LRRTM4: variants seen among roughly 807,000 people sequenced by gnomAD.
The protein encoded by LRRTM4 is leucine rich repeat transmembrane neuronal 4.
Under a neutral mutation model 47.6 loss-of-function variants are expected in LRRTM4, and 25 were observed. The observed-to-expected ratio is 0.53, with a 90% CI of 0.38 to 0.73. LRRTM4 has a LOEUF of 0.73. LRRTM4 is among the 30% of genes least tolerant of loss of function. LRRTM4 has a pLI of 0.00. For missense variants in LRRTM4, 638 were observed against 713.4 expected (o/e 0.89, Z 1.20); for synonymous variants, 311 against 269.5 (o/e 1.15, Z -1.51).
intron 3 of LRRTM4, among the ~76,000 whole-genome samples, chr2:77,413,992 C>A (rs929681755): frequency 6.6e-6 from 1 of 152,134 alleles, no homozygotes; most frequent in Non-Finnish European, 1.5e-5. Context: ...CACTACAAAT[C>A]CGATTCATTA....
intron 3 of LRRTM4, among the ~76,000 whole-genome samples, chr2:77,233,098 A>G (rs1023494526): frequency 2.6e-5 from 4 of 152,248 alleles, no homozygotes; most frequent in African/African-American, 9.6e-5. Context: ...TGATTCACAC[A>G]TAAGAAATCT....
chr2:77,226,542 T>C (rs894976760), intron 3 of LRRTM4, among the ~76,000 whole-genome samples: 884 of 15,850 alleles, frequency 0.056, 7 homozygotes, highest in Middle Eastern at 0.1. Flanking sequence ...TATATACATA[T>C]ATATATATAT....
At chr2:76,801,325 T>A (rs1675667403) in intron 3 of LRRTM4, among the ~76,000 whole-genome samples, 2 of 152,084 alleles carry the variant, frequency 1.3e-5, no homozygotes, top group Admixed American at 1.3e-4. Flanking sequence ...CATGGAATAC[T>A]ATGCAGCCAT....
intron 3 of LRRTM4, among the ~76,000 whole-genome samples, chr2:77,462,672 T>C (rs769392382): frequency 3.3e-5 from 5 of 152,098 alleles, no homozygotes; most frequent in Non-Finnish European, 7.4e-5. Context: ...ATATTCATGA[T>C]ATTGCTGGAT....
At chr2:76,980,548 C>A (rs1348019197) in intron 3 of LRRTM4, among the ~76,000 whole-genome samples, 1 of 152,012 alleles carries the variant, frequency 6.6e-6, no homozygotes, top group Non-Finnish European at 1.5e-5. Flanking sequence ...TGGAAAGAAG[C>A]CACTCTCACA....
At chr2:77,058,701 A>G (rs1165787525) in intron 3 of LRRTM4, among the ~76,000 whole-genome samples, 1 of 152,168 alleles carries the variant, frequency 6.6e-6, no homozygotes, top group African/African-American at 2.4e-5. Flanking sequence ...TTAAATAGTT[A>G]AAACACACTA....
Position 77,392,457 on chromosome 2 carries a change from T to C in LRRTM4, c.1551+125861A>G, listed in dbSNP as rs891534379. On this transcript the variant is annotated intron_variant, in intron 3 of 3. Coordinates refer to ENST00000409884, the MANE Select transcript of LRRTM4 (RefSeq NM_001134745.3). ...ACTGAGACCTGTCTCAGATACTTTT[T>C]GGTTTACACCATCAATGGATGAATG... 7.2e-5 allele frequency among the ~76,000 whole-genome samples: 11 copies of C among 152,204 alleles called. No individual in the cohort carries two copies. In the East Asian group the frequency reaches 7.8e-4, roughly 11 times the overall value.
In LRRTM4 at chr2:76,776,519, C is replaced by T. The variant is rs1428057461; in HGVS notation, c.1552-27603G>A. 2.1e-4 allele frequency among the ~76,000 whole-genome samples: 32 copies of T among 152,224 alleles called. No individual in the cohort carries two copies. The East Asian group carries it at 6.0e-3, about 28-fold the overall frequency. Reference sequence around the variant, plus strand: ...TTCTCTGATGGCCAGTGATGATGAGCATTTTTTCATGTGTTTTTTGGCTGC... The same window carrying T: ...TTCTCTGATGGCCAGTGATGATGAGTATTTTTTCATGTGTTTTTTGGCTGC... On this transcript the variant is annotated intron_variant, in intron 3 of 3. Transcript: ENST00000409884.
intron 3 of LRRTM4, among the ~76,000 whole-genome samples, chr2:77,002,576 T>C (rs576261821): frequency 2.2e-4 from 34 of 152,262 alleles, no homozygotes; most frequent in South Asian, 6.2e-4. Context: ...ATTCTTTTCA[T>C]AGAAGCCAGA....
At chr2:77,137,947 C>A (rs143357399) in intron 3 of LRRTM4, among the ~76,000 whole-genome samples, 8,432 of 152,104 alleles carry the variant, frequency 0.055, 754 homozygotes, top group African/African-American at 0.18. Flanking sequence ...TATATGCACC[C>A]AATACAGGAG....
rs113423491 is a variant in LRRTM4, at chr2:77,003,771, G to A, written c.1552-254855C>T. On this transcript the variant is annotated intron_variant, in intron 3 of 3. Transcript: ENST00000409884. ...AAATGTGGAAGCAACTTTGGAACTGGGCAACAGGCAGAGGTTGCAACAGAT... is the reference window on the plus strand; with the variant it reads ...AAATGTGGAAGCAACTTTGGAACTGAGCAACAGGCAGAGGTTGCAACAGAT... Among the ~76,000 whole-genome samples the A allele has an allele frequency of 8.0e-3, 1,213 of 152,028 alleles. 18 individuals carry two copies. The highest frequency in any genetic ancestry group is 0.028 in the African/African-American group (1,165 of 41,338).
Position 77,027,366 on chromosome 2 carries a change from A to G in LRRTM4, c.1552-278450T>C, listed in dbSNP as rs147215009. Among the ~76,000 whole-genome samples the G allele has an allele frequency of 3.5e-4, 54 of 152,288 alleles. 1 individual carries two copies. The East Asian group carries it at 9.3e-3, about 26-fold the overall frequency. ...TCATAAATGCTTTTTAAAATAGCCT[A>G]TGTAGTAGAATGAATAGTCACAGCA... is the stretch of plus-strand genomic sequence containing the variant. On this transcript the variant is annotated intron_variant, in intron 3 of 3. Coordinates refer to ENST00000409884, the MANE Select transcript of LRRTM4 (RefSeq NM_001134745.3).
chr2:77,002,139 G>T (rs142132633), intron 3 of LRRTM4, among the ~76,000 whole-genome samples: 72 of 152,124 alleles, frequency 4.7e-4, no homozygotes, highest in African/African-American at 1.7e-3. Context: ...AAATAATATT[G>T]TGAGTCCCCT....
chr2:77,280,649 T>C (rs999066777), intron 3 of LRRTM4, among the ~76,000 whole-genome samples: 4 of 152,000 alleles, frequency 2.6e-5, no homozygotes, highest in African/African-American at 9.7e-5. Flanking sequence ...TCACAAGACC[T>C]TGTATAAAGT....
intron 3 of LRRTM4, among the ~76,000 whole-genome samples, chr2:77,358,592 A>G (rs1451909318): frequency 6.6e-6 from 1 of 152,332 alleles, no homozygotes; most frequent in South Asian, 2.1e-4. Context: ...ACATATTTGA[A>G]TATTTTTAAT....
chr2:77,485,248 C>A (rs1434632482), intron 3 of LRRTM4, among the ~76,000 whole-genome samples: 1 of 151,952 alleles, frequency 6.6e-6, no homozygotes, highest in African/African-American at 2.4e-5. Context: ...AAAAGTAGGT[C>A]ATATAATCCG....
At chr2:77,052,898 TC>T (rs1679487461) in intron 3 of LRRTM4, among the ~76,000 whole-genome samples, 2 of 152,134 alleles carry the variant, frequency 1.3e-5, no homozygotes. Flanking sequence ...GGAATAGCTT[TC>T]CATTTGAATT....
At chr2:76,910,614 T>C (rs555609886) in intron 3 of LRRTM4, among the ~76,000 whole-genome samples, 8 of 152,322 alleles carry the variant, frequency 5.3e-5, no homozygotes, top group East Asian at 1.9e-4. Context: ...TATCCAAAAA[T>C]AGAGCTAGTA....
intron 3 of LRRTM4, among the ~76,000 whole-genome samples, chr2:77,371,648 TG>T (rs139893281): frequency 1.3e-5 from 2 of 151,728 alleles, no homozygotes; most frequent in South Asian, 4.1e-4. Context: ...CTCCGGTTTT[TG>T]GGGGGTCCTC....
Sources: allele counts gnomAD v4.1 joint callset (sites outside exome capture counted in the v4.1 genomes callset), GRCh38; gene constraint gnomAD v4.1.1; transcripts MANE v1.5; gene names NCBI Gene and HGNC (gene_info 2026-07-23, HGNC 2026-07-21).